Variants in HNRNPD observed in about 807,000 individuals in gnomAD.
HNRNPD encodes the protein heterogeneous nuclear ribonucleoprotein D.
In HNRNPD, 3 loss-of-function variants were observed where a neutral mutation model predicts 47.9. The ratio of observed to expected loss-of-function variants is 0.06; its 90% CI spans 0.03 to 0.16. The LOEUF (loss-of-function observed/expected upper bound fraction) is 0.16, where lower values mean the gene tolerates loss of function less well. Among genes scored for constraint, HNRNPD ranks in the 10% least tolerant of loss-of-function variants. HNRNPD has a pLI of 1.00. For missense variants in HNRNPD, 287 were observed against 454.2 expected (o/e 0.63, Z 3.35); for synonymous variants, 171 against 165.1 (o/e 1.04, Z -0.28).
intron 2 of HNRNPD, among the ~76,000 whole-genome samples, chr4:82,370,384 C>T (rs866321685): frequency 6.6e-6 from 1 of 152,124 alleles, no homozygotes; most frequent in Non-Finnish European, 1.5e-5. Context: ...TTACATGAGA[C>T]TCAAAATACA....
At chr4:82,360,818 G>T (rs1464651656) in intron 2 of HNRNPD, among the ~76,000 whole-genome samples, 1 of 152,138 alleles carries the variant, frequency 6.6e-6, no homozygotes, top group African/African-American at 2.4e-5. Context: ...TTGAATTAGG[G>T]TCTTTCTTCA....
At chr4:82,355,081 A>G (rs1286304104) in intron 8 of HNRNPD, 2 of 534,572 alleles carry the variant, frequency 3.7e-6, no homozygotes, top group Admixed American at 3.5e-5. Flanking sequence ...TGTACCCATT[A>G]GCAGTACTTT....
At position 82,369,908 on chromosome 4, in the gene HNRNPD, C is replaced by T. The variant is rs149500247; in HGVS notation, c.290+1620G>A. Reference sequence around the variant, plus strand: ...CTGTGATTACAGCACTTGGGGAGGCCGAGGCAGGCGGATCACCTGAGGTCG... The same window carrying T: ...CTGTGATTACAGCACTTGGGGAGGCTGAGGCAGGCGGATCACCTGAGGTCG... On this transcript the variant is annotated intron_variant, in intron 2 of 8. Transcript: ENST00000313899. Among the ~76,000 whole-genome samples, 1,402 of 152,198 alleles carry T rather than the reference C, an allele frequency of 9.2e-3. 17 individuals carry two copies. Among genetic ancestry groups the T allele is most frequent in the African/African-American group, 0.032 (1,338 of 41,520 alleles).
chr4:82,353,020 GAACTCTT>G lies in HNRNPD; in HGVS notation c.*1158_*1164del, dbSNP rs1055777920. 9.2e-5 allele frequency: 14 copies of G among 152,152 alleles called. No homozygotes were observed. The highest frequency in any genetic ancestry group is 4.4e-5 in the Non-Finnish European group (3 of 68,038). The allele number at this position is 152,152 out of a possible 1,614,324, so 9.4% of individuals were successfully genotyped here. Reference sequence around the variant, plus strand: ...CAGCCTTAGATTACCACTCAGGGTGGAACTCTTAACATTCACTTAAGTAATACCTACA... The same window carrying G: ...CAGCCTTAGATTACCACTCAGGGTGGAACATTCACTTAAGTAATACCTACA... On this transcript the variant is annotated 3_prime_UTR_variant, in exon 9 of 9. Transcript: ENST00000313899.
chr4:82,365,771 A>ATTTTTTTTTTTT (rs80051188), intron 2 of HNRNPD, among the ~76,000 whole-genome samples: 1 of 106,256 alleles, frequency 9.4e-6, no homozygotes. Context: ...GGCCCAGCTA[A>ATTTTTTTTTTTT]TTTTTTTTTT....
chr4:82,364,374 T>C (rs2109996635), intron 2 of HNRNPD, among the ~76,000 whole-genome samples: 1 of 152,322 alleles, frequency 6.6e-6, no homozygotes, highest in African/African-American at 2.4e-5. Context: ...GGGTTAAAAC[T>C]AGTTAACACA....
At chr4:82,373,310 A>G (rs1182190078) in intron 1 of HNRNPD, 136 bp downstream of exon 1, 10 of 1,168,926 alleles carry the variant, frequency 8.6e-6, no homozygotes, top group African/African-American at 1.6e-5. Context: ...ACATAGAAAA[A>G]GGGAGACCAG....
chr4:82,360,738 C>T (rs185996481), intron 2 of HNRNPD, among the ~76,000 whole-genome samples: 7 of 152,212 alleles, frequency 4.6e-5, no homozygotes, highest in Non-Finnish European at 1.0e-4. Context: ...GGAAACATCT[C>T]CATCTTGTGG....
chr4:82,369,666 T>C (rs1438840513), intron 2 of HNRNPD, among the ~76,000 whole-genome samples: 1 of 146,624 alleles, frequency 6.8e-6, no homozygotes, highest in South Asian at 2.1e-4. Flanking sequence ...AAGGGACAGA[T>C]ACGGTGGGGA....
intron 2 of HNRNPD, among the ~76,000 whole-genome samples, chr4:82,367,529 T>C (rs1325908851): frequency 6.6e-6 from 1 of 152,242 alleles, no homozygotes; most frequent in Non-Finnish European, 1.5e-5. Flanking sequence ...TGTTGGTTGC[T>C]TTTTGAGTAT....
chr4:82,372,808 T>C (rs1339872972), intron 1 of HNRNPD, among the ~76,000 whole-genome samples: 1 of 152,156 alleles, frequency 6.6e-6, no homozygotes, highest in Non-Finnish European at 1.5e-5. Flanking sequence ...CATGTCAAAA[T>C]GTAGGGCCTG....
In HNRNPD at chr4:82,355,313, A is replaced by T; in HGVS notation, c.*21T>A. ...TATTTTTAGAACATACCTGTTGGGG[A>T]TAAGTTGCAAATGGAATAATTTAGT... On this transcript the variant is annotated 3_prime_UTR_variant, in exon 8 of 9. Coordinates refer to ENST00000313899, the MANE Select transcript of HNRNPD (RefSeq NM_031370.3). 1 of 1,577,520 alleles carries T rather than the reference A, an allele frequency of 6.3e-7. No homozygotes were observed. The highest frequency in any genetic ancestry group is 8.7e-7 in the Non-Finnish European group (1 of 1,147,650).
intron 2 of HNRNPD, among the ~76,000 whole-genome samples, chr4:82,370,979 T>TACACACACACACACAC (rs72155104): frequency 1.3e-5 from 1 of 78,198 alleles, no homozygotes; most frequent in Non-Finnish European, 3.2e-5. Context: ...ATGGTATATA[T>TACACACACACACACAC]ATACACACAC....
chr4:82,366,486 C>G (rs575778147), intron 2 of HNRNPD, among the ~76,000 whole-genome samples: 12 of 152,142 alleles, frequency 7.9e-5, no homozygotes, highest in African/African-American at 2.7e-4. Context: ...TCAGGTGATT[C>G]GCTTGCGTCA....
intron 2 of HNRNPD, among the ~76,000 whole-genome samples, chr4:82,368,369 A>G (rs1391277312): frequency 1.3e-5 from 2 of 152,150 alleles, no homozygotes; most frequent in African/African-American, 2.4e-5. Context: ...TATTAAAAAC[A>G]TACACTGAGT....
intron 2 of HNRNPD, among the ~76,000 whole-genome samples, chr4:82,370,517 T>C (rs1035367302): frequency 1.5e-5 from 2 of 131,626 alleles, no homozygotes; most frequent in Non-Finnish European, 3.2e-5. Context: ...ATCGAAACTG[T>C]GACCCCAGTC....
chr4:82,357,019 C>T (rs1723740269), intron 5 of HNRNPD, 124 bp from the exon 6 acceptor site: 1 of 857,740 alleles, frequency 1.2e-6, no homozygotes, highest in Admixed American at 2.0e-5. Flanking sequence ...TTTCCTCAGT[C>T]AGTTTATTAA....
intron 2 of HNRNPD, among the ~76,000 whole-genome samples, chr4:82,361,898 T>C (rs374435781): frequency 2.2e-4 from 33 of 152,310 alleles, no homozygotes; most frequent in African/African-American, 7.9e-4. Flanking sequence ...TCACTGAAGA[T>C]GCTATCCCTC....
At chr4:82,364,546 A>T (rs936967920) in intron 2 of HNRNPD, among the ~76,000 whole-genome samples, 2 of 152,230 alleles carry the variant, frequency 1.3e-5, no homozygotes, top group African/African-American at 4.8e-5. Flanking sequence ...AGGCTTTATA[A>T]ACTTTCCAAC....
Sources: gnomAD v4.1 joint callset for allele counts (sites outside exome capture counted in the v4.1 genomes callset) on GRCh38, gnomAD v4.1.1 for gene constraint, MANE v1.5 for transcripts, NCBI Gene and HGNC (gene_info 2026-07-23, HGNC 2026-07-21) for gene names.